The following COA1 variants were observed in gnomAD, a reference collection of about 807,000 sequenced individuals.
The protein encoded by COA1 is cytochrome c oxidase assembly factor 1, also known as cytochrome c oxidase assembly factor 1 homolog.
In COA1, 13 loss-of-function variants were observed where a neutral mutation model predicts 16.0. The observed-to-expected ratio is 0.81, with a 90% confidence interval of 0.53 to 1.29. The LOEUF is 1.29. COA1 is among the 50% of genes most tolerant of loss of function. The pLI is 0.00. For missense variants in COA1, 179 were observed against 177.0 expected, an observed-to-expected ratio of 1.01 and a Z score of -0.06; for synonymous variants, 65 against 65.7, an observed-to-expected ratio of 0.99 and a Z score of 0.05.
chr7:43,685,399 A>G (rs1475312252), intron 1 of COA1, among the ~76,000 whole-genome samples: 4 of 152,034 alleles, frequency 2.6e-5, no homozygotes, highest in Non-Finnish European at 5.9e-5. Context: ...TAAAACATCT[A>G]CAACACAAGA....
chr7:43,613,199 G>T (rs2083035726), intron 6 of COA1, among the ~76,000 whole-genome samples: 1 of 152,116 alleles, frequency 6.6e-6, no homozygotes, highest in Non-Finnish European at 1.5e-5. Flanking sequence ...TGCATCCATG[G>T]ATTCAACCAA....
chr7:43,648,298 G>T, intron 2 of COA1: 1 of 501,746 alleles, frequency 2.0e-6, no homozygotes, highest in Non-Finnish European at 3.6e-6. Context: ...CATCTCTGAA[G>T]AATGTATTAG....
intron 4 of COA1, among the ~76,000 whole-genome samples, chr7:43,645,029 C>A (rs3815266): frequency 0.085 from 12,968 of 151,988 alleles, 646 homozygotes; most frequent in East Asian, 0.18. Context: ...ATCAATTCCC[C>A]AGAATGGAAG....
chr7:43,616,789 C>G (rs2083392381), intron 6 of COA1, among the ~76,000 whole-genome samples: 1 of 152,116 alleles, frequency 6.6e-6, no homozygotes, highest in East Asian at 1.9e-4. Context: ...CCCAGCTACT[C>G]GGGAGGCTGA....
At chr7:43,632,607 A>AATGGATACTGTGTTAGCAGGC (rs2085291652) in intron 6 of COA1, 1 of 152,282 alleles carries the variant, frequency 6.6e-6, no homozygotes, top group Non-Finnish European at 1.5e-5. Context: ...TCAGCAGCAG[A>AATGGATACTGTGTTAGCAGGC]ATGGATACTG....
chr7:43,692,348 G>A (rs2094398847), intron 1 of COA1, among the ~76,000 whole-genome samples: 3 of 152,100 alleles, frequency 2.0e-5, no homozygotes, highest in African/African-American at 7.2e-5. Flanking sequence ...GTGAAGCCAT[G>A]TATCTACAAA....
chr7:43,619,681 A>G, intron 6 of COA1: 1 of 1,614,140 alleles, frequency 6.2e-7, no homozygotes, highest in Non-Finnish European at 8.5e-7. Flanking sequence ...ATTGAAGAAC[A>G]GTGAAGAGCT....
At chr7:43,669,454 C>T (rs945729158) in intron 1 of COA1, among the ~76,000 whole-genome samples, 5 of 152,074 alleles carry the variant, frequency 3.3e-5, no homozygotes, top group Non-Finnish European at 7.4e-5. Flanking sequence ...AACACGGCCG[C>T]CCCCACATAT....
intron 1 of COA1, among the ~76,000 whole-genome samples, chr7:43,697,104 C>T (rs2094553600): frequency 6.6e-6 from 1 of 150,524 alleles, no homozygotes; most frequent in African/African-American, 2.4e-5. Flanking sequence ...AGCCTGGCGA[C>T]AGAGACTCCA....
chr7:43,622,751 A>G (rs2084047048), intron 6 of COA1: 1 of 150,950 alleles, frequency 6.6e-6, no homozygotes, highest in Admixed American at 6.6e-5. Context: ...CCCAGGCTGG[A>G]GTGCACTGGC....
At chr7:43,637,905 AC>A (rs1271632694), downstream of COA1, among the ~76,000 whole-genome samples, 7 of 152,248 alleles carry the variant, frequency 4.6e-5, no homozygotes, top group African/African-American at 1.7e-4. Context: ...CAAAATTCAA[AC>A]ACTAAGATAA....
intron 1 of COA1, among the ~76,000 whole-genome samples, chr7:43,663,241 C>G (rs772263380): frequency 6.6e-6 from 1 of 152,194 alleles, no homozygotes; most frequent in Non-Finnish European, 1.5e-5. Flanking sequence ...CTCCCTGAGG[C>G]CCCTGCCAGA....
chr7:43,722,085 T>A (rs1366426414), intron 1 of COA1, among the ~76,000 whole-genome samples: 3 of 128,038 alleles, frequency 2.3e-5, no homozygotes, highest in Non-Finnish European at 4.7e-5. Flanking sequence ...CCGTTGATTC[T>A]GGTAACTTTT....
In COA1 at chr7:43,628,372, CT is replaced by C. The variant is rs766554218; in HGVS notation, c.*133+11076del. 2.9e-4 allele frequency among the ~76,000 whole-genome samples: 44 copies of C among 152,264 alleles called. No homozygotes were observed. The Middle Eastern group carries it at 0.01, about 35-fold the overall frequency. Reference sequence around the variant, plus strand: ...TAGCTATCCTTCTGTTCATGGACCCCTGAGCTGTTTCTGTGGGGCTATTATA... The same window carrying C: ...TAGCTATCCTTCTGTTCATGGACCCCGAGCTGTTTCTGTGGGGCTATTATA... On this transcript the variant is annotated intron_variant and NMD_transcript_variant, in intron 6 of 6. Transcript: ENST00000415076.
intron 5 of COA1, among the ~76,000 whole-genome samples, chr7:43,640,250 A>T (rs898519629): frequency 4.6e-5 from 7 of 152,258 alleles, no homozygotes; most frequent in African/African-American, 1.7e-4. Flanking sequence ...CCCTTTATTC[A>T]TTTATAACAA....
chr7:43,705,729 T>A (rs1302650707), intron 1 of COA1, among the ~76,000 whole-genome samples: 2 of 152,194 alleles, frequency 1.3e-5, no homozygotes, highest in Non-Finnish European at 2.9e-5. Flanking sequence ...GAGTTCCATC[T>A]CTGTCAACTC....
chr7:43,661,371 T>G (rs561892739), intron 1 of COA1, among the ~76,000 whole-genome samples: 1 of 152,166 alleles, frequency 6.6e-6, no homozygotes, highest in Non-Finnish European at 1.5e-5. Context: ...GTGCAGTGGC[T>G]CACGCCTGTA....
At chr7:43,615,706 G>A (rs1443497148) in intron 6 of COA1, among the ~76,000 whole-genome samples, 2 of 151,896 alleles carry the variant, frequency 1.3e-5, no homozygotes, top group Non-Finnish European at 2.9e-5. Context: ...CCCACCACTC[G>A]TACCCCTTTT....
intron 1 of COA1, among the ~76,000 whole-genome samples, chr7:43,659,634 T>G (rs965657719): frequency 6.6e-6 from 1 of 152,194 alleles, no homozygotes; most frequent in Non-Finnish European, 1.5e-5. Context: ...CAATTTGGTA[T>G]CAGTGACTAC....
Sources: allele counts gnomAD v4.1 joint callset (sites outside exome capture counted in the v4.1 genomes callset), GRCh38; gene constraint gnomAD v4.1.1; transcripts MANE v1.5; gene names NCBI Gene and HGNC (gene_info 2026-07-23, HGNC 2026-07-21).